Variants in PRSS38 observed in about 807,000 individuals in gnomAD.
PRSS38 encodes the protein marapsin 2.
PRSS38 carries 22 observed loss-of-function variants against 26.8 expected under a neutral mutation model. The observed-to-expected ratio is 0.82, with a 90% CI of 0.59 to 1.17. PRSS38 has a LOEUF of 1.17. Ranked by LOEUF, PRSS38 falls within the 50% of genes most tolerant of loss-of-function variation. The probability of loss-of-function intolerance (pLI) is 0.00; values close to 1 mark genes in which losing one functional copy is unlikely to be tolerated. For missense variants in PRSS38, 427 were observed against 422.7 expected (o/e 1.01, Z -0.09); for synonymous variants, 175 against 172.1 (o/e 1.02, Z -0.13).
chr1:227,824,108 C>A (rs1665038966), intron 3 of PRSS38, among the ~76,000 whole-genome samples: 1 of 152,048 alleles, frequency 6.6e-6, no homozygotes, highest in South Asian at 2.1e-4. Context: ...GCAAGAGGTG[C>A]AGTTTTGTTA....
intron 3 of PRSS38, 105 bp downstream of exon 3, chr1:227,817,585 G>C: frequency 1.5e-5 from 16 of 1,098,708 alleles, no homozygotes; most frequent in Non-Finnish European, 1.9e-5. Flanking sequence ...TTGGGGACTG[G>C]AATCCCCACC....
At chr1:227,843,822 C>A (rs1011198341) in intron 3 of PRSS38, among the ~76,000 whole-genome samples, 1 of 152,098 alleles carries the variant, frequency 6.6e-6, no homozygotes, top group Non-Finnish European at 1.5e-5. Context: ...GAGTTCAAGA[C>A]CAGCCTGGCC....
At chr1:227,838,345 T>C (rs1158091211) in intron 3 of PRSS38, among the ~76,000 whole-genome samples, 2 of 152,236 alleles carry the variant, frequency 1.3e-5, no homozygotes, top group Non-Finnish European at 2.9e-5. Flanking sequence ...TCATGCCTGC[T>C]GTGATTCCAT....
intron 3 of PRSS38, among the ~76,000 whole-genome samples, chr1:227,842,107 G>T (rs1665346553): frequency 6.6e-6 from 1 of 152,132 alleles, no homozygotes; most frequent in Non-Finnish European, 1.5e-5. Context: ...CACCCCCCAG[G>T]ACCCAAATGC....
At chr1:227,819,122 T>C (rs559011157) in intron 3 of PRSS38, among the ~76,000 whole-genome samples, 5 of 152,336 alleles carry the variant, frequency 3.3e-5, no homozygotes, top group African/African-American at 1.2e-4. Context: ...GTTGCCAAAA[T>C]TGTCTATTCT....
intron 3 of PRSS38, among the ~76,000 whole-genome samples, chr1:227,834,905 TAAG>T (rs1665217255): frequency 6.6e-6 from 1 of 152,126 alleles, no homozygotes; most frequent in African/African-American, 2.4e-5. Flanking sequence ...AAGAAAGTGA[TAAG>T]AATGGAAGAA....
chr1:227,817,425 G>A (rs1303728072), exon 3 of PRSS38: 2 of 1,614,146 alleles, frequency 1.2e-6, no homozygotes, highest in Non-Finnish European at 1.7e-6. Flanking sequence ...CTCCAGAAGT[G>A]AACCTTACCA....
At chr1:227,839,983 C>T (rs567832082) in intron 3 of PRSS38, among the ~76,000 whole-genome samples, 1 of 152,212 alleles carries the variant, frequency 6.6e-6, no homozygotes, top group Non-Finnish European at 1.5e-5. Context: ...GAAAGACTTG[C>T]GAACAGAAAC....
At position 227,816,569 on chromosome 1, in the gene PRSS38, G is replaced by C. The variant is rs1664921388; in HGVS notation, c.311+317G>C. Among the ~76,000 whole-genome samples, 1 of 151,632 alleles carries C rather than the reference G, an allele frequency of 6.6e-6. No homozygotes were observed. The highest frequency in any genetic ancestry group is 2.4e-5 in the African/African-American group (1 of 41,212). ...AGTTAGGTTCCCATGAGCTAGGTTG[G>C]TCCTCAAATGCACAGCCTGGTCCCC... On this transcript the variant is annotated intron_variant, in intron 2 of 4. Transcript: ENST00000366757. This position sits in a 1 kb window ranked among gnomAD's most constrained non-coding sequence, Gnocchi z 5.1.
intron 4 of PRSS38, 56 bp downstream of exon 4, chr1:227,845,668 C>A (rs1271006568): frequency 6.4e-6 from 10 of 1,550,998 alleles, no homozygotes; most frequent in Non-Finnish European, 8.8e-6. Flanking sequence ...GCCTGTGGAC[C>A]CCACAGGACC....
At chr1:227,820,789 A>G (rs1664992591) in intron 3 of PRSS38, among the ~76,000 whole-genome samples, 1 of 152,190 alleles carries the variant, frequency 6.6e-6, no homozygotes, top group Non-Finnish European at 1.5e-5. Flanking sequence ...AGTGTGATAA[A>G]GATTGATTAA....
chr1:227,840,664 C>T (rs539422190), intron 3 of PRSS38, among the ~76,000 whole-genome samples: 95 of 152,260 alleles, frequency 6.2e-4, no homozygotes, highest in Non-Finnish European at 1.0e-3. Flanking sequence ...ACAGAGTTTG[C>T]TCACCCCTTC....
At chr1:227,827,818 G>A (rs1309242660) in intron 3 of PRSS38, among the ~76,000 whole-genome samples, 1 of 152,084 alleles carries the variant, frequency 6.6e-6, no homozygotes, top group Non-Finnish European at 1.5e-5. Context: ...GCTTTTTGAT[G>A]TGGGCATTTA....
chr1:227,817,488 T>C lies in PRSS38; in HGVS notation c.583+8T>C, dbSNP rs1375542856. ...GACTAGTCTCAAAACAAGGTAGGAA[T>C]ACAGTGCAGGGCTTTGTGGGCAGGA... On this transcript the variant is annotated splice_region_variant and intron_variant, in intron 3 of 4. Coordinates refer to ENST00000366757, the Ensembl canonical transcript of PRSS38. The C allele has an allele frequency of 6.2e-7, 1 of 1,613,910 alleles. No individual in the cohort carries two copies. The highest frequency in any genetic ancestry group is 1.3e-5 in the African/African-American group (1 of 74,920).
intron 3 of PRSS38, among the ~76,000 whole-genome samples, chr1:227,833,438 A>G (rs983394885): frequency 6.6e-6 from 1 of 152,050 alleles, no homozygotes; most frequent in African/African-American, 2.4e-5. Flanking sequence ...GAGGCGGGAG[A>G]ATCACTTGAA....
In PRSS38 at chr1:227,816,338, T is replaced by A. The variant is rs1664916294; in HGVS notation, c.311+86T>A. On this transcript the variant is annotated intron_variant, in intron 2 of 4. Transcript: ENST00000366757. This position sits in a 1 kb window ranked among gnomAD's most constrained non-coding sequence, Gnocchi z 5.1. The stretch of plus-strand genomic sequence containing the variant: ...GGCTTGGATGGACCCCACGCAAGCC[T>A]CCCCCATCACCATTGTCGACTCCCT... 2 of 1,391,688 alleles carry A rather than the reference T, an allele frequency of 1.4e-6. No individual in the cohort carries two copies. The highest frequency in any genetic ancestry group is 2.0e-6 in the Non-Finnish European group (2 of 1,012,480). The allele number at this position is 1,391,688 out of a possible 1,614,324, so 86.2% of individuals were successfully genotyped here. A position where few individuals can be genotyped will look rare whatever the true frequency, so the allele number is the denominator to read the frequency against.
At chr1:227,817,020 T>TTTAG (rs1664929835) in intron 2 of PRSS38, among the ~76,000 whole-genome samples, 189 bp from the exon 3 acceptor site, 1 of 152,198 alleles carries the variant, frequency 6.6e-6, no homozygotes, top group Non-Finnish European at 1.5e-5. Flanking sequence ...AGAGCCTCCA[T>TTTAG]GGGCCAAGTC....
chr1:227,824,148 C>T (rs1665039426), intron 3 of PRSS38, among the ~76,000 whole-genome samples: 1 of 152,222 alleles, frequency 6.6e-6, no homozygotes, highest in Middle Eastern at 3.4e-3. Flanking sequence ...TGGTGGTTTG[C>T]TGCACAAATT....
At chr1:227,817,593 ACCTGTC>A in intron 3 of PRSS38, 113 bp downstream of exon 3, 11 of 1,006,240 alleles carry the variant, frequency 1.1e-5, no homozygotes, top group East Asian at 2.5e-5. Flanking sequence ...TGGAATCCCC[ACCTGTC>A]AATCAACATT....
Sources: allele counts gnomAD v4.1 joint callset (sites outside exome capture counted in the v4.1 genomes callset), GRCh38; gene constraint gnomAD v4.1.1; non-coding constraint Gnocchi (gnomAD v3.1); transcripts MANE v1.5; gene names NCBI Gene and HGNC (gene_info 2026-07-23, HGNC 2026-07-21).